The following DPM1 variants were observed in gnomAD, a reference collection of about 807,000 sequenced individuals.
DPM1 encodes the protein dolichol-phosphate mannosyltransferase subunit 1.
In DPM1, 27 loss-of-function variants were observed where a neutral mutation model predicts 39.0. The ratio of observed to expected loss-of-function variants is 0.69; its 90% CI spans 0.51 to 0.95. The LOEUF (loss-of-function observed/expected upper bound fraction) is 0.95, where lower values mean the gene tolerates loss of function less well. Among genes scored for constraint, DPM1 ranks in the 40% least tolerant of loss-of-function variants. The pLI, the probability that DPM1 is intolerant of heterozygous loss-of-function variation, is 0.00. For synonymous variants in DPM1, 124 were observed against 109.0 expected (o/e 1.14, Z -0.86); for missense variants, 307 against 315.6 (o/e 0.97, Z 0.21).
intron 6 of DPM1, chr20:50,941,263 T>TAAATA (rs1985747275): frequency 6.4e-6 from 1 of 156,022 alleles, no homozygotes; most frequent in Non-Finnish European, 1.2e-5. Context: ...TATATATATA[T>TAAATA]AAATAAAATA....
chr20:50,952,468 A>G (rs1442467155), intron 2 of DPM1, among the ~76,000 whole-genome samples: 1 of 152,240 alleles, frequency 6.6e-6, no homozygotes, highest in East Asian at 1.9e-4. Flanking sequence ...TAGGATCAAC[A>G]GTATTTGAGT....
chr20:50,946,904 C>G (rs917806887), intron 3 of DPM1, among the ~76,000 whole-genome samples: 1 of 152,040 alleles, frequency 6.6e-6, no homozygotes, highest in African/African-American at 2.4e-5. Flanking sequence ...AAAACCTCAT[C>G]TCTACTAAAA....
chr20:50,939,678 A>C (rs1488618369), intron 7 of DPM1, among the ~76,000 whole-genome samples: 1 of 151,812 alleles, frequency 6.6e-6, no homozygotes, highest in Non-Finnish European at 1.5e-5. Context: ...CAGTGGCGCA[A>C]TCTCGGCTCA....
intron 5 of DPM1, among the ~76,000 whole-genome samples, chr20:50,943,825 C>T (rs909006899): frequency 3.3e-5 from 5 of 151,138 alleles, no homozygotes; most frequent in Admixed American, 2.0e-4. Context: ...CTGCAAGCTC[C>T]GCCTCCCAGG....
At chr20:50,941,385 C>CAT (rs1491435380) in intron 6 of DPM1, among the ~76,000 whole-genome samples, 4 of 142,220 alleles carry the variant, frequency 2.8e-5, no homozygotes, top group Admixed American at 7.1e-5. Flanking sequence ...TATATATATT[C>CAT]ATATATATAT....
chr20:50,956,260 A>G (rs1986815727), intron 1 of DPM1, among the ~76,000 whole-genome samples: 1 of 152,228 alleles, frequency 6.6e-6, no homozygotes. Flanking sequence ...TGGTGGATAA[A>G]TAATACCTAC....
chr20:50,935,078 G>T lies in DPM1; in HGVS notation c.*54C>A. 2 of 1,029,606 alleles carry T rather than the reference G, an allele frequency of 1.9e-6. No individual in the cohort carries two copies. Among genetic ancestry groups the T allele is most frequent in the Non-Finnish European group, 3.1e-6 (2 of 654,730 alleles). The allele number at this position is 1,029,606 out of a possible 1,614,324, so 63.8% of individuals were successfully genotyped here. A position where few individuals can be genotyped will look rare whatever the true frequency, so the allele number is the denominator to read the frequency against. ...ACATTTTATACAAATCAGTAACCAGGCTTCTTTCATGTTTAACCTGAAATG... is the reference window on the plus strand; with the variant it reads ...ACATTTTATACAAATCAGTAACCAGTCTTCTTTCATGTTTAACCTGAAATG... On this transcript the variant is annotated 3_prime_UTR_variant, in exon 9 of 9. Transcript: ENST00000371588.
chr20:50,948,691 CACAGAA>C (rs1986419320), intron 2 of DPM1, 29 bp from the exon 3 acceptor site: 2 of 1,603,256 alleles, frequency 1.2e-6, no homozygotes, highest in African/African-American at 2.7e-5. Flanking sequence ...GCATTTTACA[CACAGAA>C]ACAGAAATCT....
intron 7 of DPM1, among the ~76,000 whole-genome samples, chr20:50,938,131 A>G (rs1985373397): frequency 6.6e-6 from 1 of 152,206 alleles, no homozygotes; most frequent in Admixed American, 6.5e-5. Context: ...TGTGGCTAGT[A>G]AAATAAAATG....
intron 3 of DPM1, among the ~76,000 whole-genome samples, chr20:50,948,292 G>A (rs1470287927): frequency 6.6e-6 from 1 of 150,842 alleles, no homozygotes; most frequent in Non-Finnish European, 1.5e-5. Flanking sequence ...TCTTCCTGCC[G>A]TTGCTCCATC....
intron 8 of DPM1, 73 bp from the exon 9 acceptor site, chr20:50,935,309 C>T (rs981258858): frequency 2.2e-6 from 2 of 892,358 alleles, no homozygotes; most frequent in African/African-American, 1.7e-5. Context: ...ACCACATTAC[C>T]AACACAACAG....
At chr20:50,956,622 C>G (rs1986834956) in intron 1 of DPM1, among the ~76,000 whole-genome samples, 1 of 152,046 alleles carries the variant, frequency 6.6e-6, no homozygotes, top group Non-Finnish European at 1.5e-5. Flanking sequence ...AACAAGTCAG[C>G]CCCAGCAAAC....
At chr20:50,943,374 T>G (rs147859192) in intron 5 of DPM1, among the ~76,000 whole-genome samples, 1,636 of 152,268 alleles carry the variant, frequency 0.011, 18 homozygotes, top group Non-Finnish European at 0.017. Flanking sequence ...GTTTTGTTTT[T>G]TTTTGAGATG....
At position 50,958,514 on chromosome 20, in the gene DPM1, A is replaced by G. The variant is rs373612327; in HGVS notation, c.10T>C (p.Leu4=). The part of the protein sequence containing the change: MAS[L]EVSRSPRRSR... ...CTGCGAGGACTACGACTGACTTCCA[A>G]GGAGGCCATGGCGGAACTGAGCCAG... The change falls in exon 1 of 9, where the codon TTG becomes CTG. Residue 4 remains leucine, a synonymous_variant. Transcript: ENST00000371588. 25 of 1,613,378 alleles carry G rather than the reference A, an allele frequency of 1.5e-5. No homozygotes were observed. The African/African-American group carries it at 2.7e-4, about 17-fold the overall frequency.
chr20:50,940,749 T>C (rs1985655847), intron 7 of DPM1, 116 bp downstream of exon 7: 4 of 892,298 alleles, frequency 4.5e-6, no homozygotes, highest in Non-Finnish European at 7.3e-6. Flanking sequence ...TTAGTCTGCC[T>C]TTTTAGTATC....
At chr20:50,937,378 T>G (rs372963845) in intron 7 of DPM1, among the ~76,000 whole-genome samples, 1 of 152,130 alleles carries the variant, frequency 6.6e-6, no homozygotes, top group Non-Finnish European at 1.5e-5. Context: ...GGAATAAATA[T>G]GGAGAGAGGA....
rs1017108669 is a variant in DPM1, at chr20:50,957,467, G to A, written c.161+896C>T. ...AACACTGATGCAATAAAGGAGCACC[G>A]CTATGTGTCAAGCACTTTTCTAAAT... On this transcript the variant is annotated intron_variant, in intron 1 of 8. Transcript: ENST00000371588. Among the ~76,000 whole-genome samples, 8 of 152,270 alleles carry A rather than the reference G, an allele frequency of 5.3e-5. No homozygotes were observed. In the East Asian group the frequency reaches 7.7e-4, roughly 15 times the overall value.
At chr20:50,949,021 C>T (rs777418001) in intron 2 of DPM1, among the ~76,000 whole-genome samples, 38 of 152,090 alleles carry the variant, frequency 2.5e-4, no homozygotes, top group Non-Finnish European at 4.9e-4. Context: ...CCACCATGCC[C>T]GGCTAATTTT....
At chr20:50,958,027 G>A (rs2123153312) in intron 1 of DPM1, among the ~76,000 whole-genome samples, 1 of 152,382 alleles carries the variant, frequency 6.6e-6, no homozygotes, top group East Asian at 1.9e-4. Flanking sequence ...CGCAGATCCT[G>A]ACCGCCTAGA....
Sources: allele counts gnomAD v4.1 joint callset (sites outside exome capture counted in the v4.1 genomes callset), GRCh38; gene constraint gnomAD v4.1.1; transcripts MANE v1.5; gene names NCBI Gene and HGNC (gene_info 2026-07-23, HGNC 2026-07-21).